COBL: variants seen among roughly 807,000 people sequenced by gnomAD.
COBL encodes protein cordon-bleu.
COBL carries 51 observed loss-of-function variants against 98.8 expected under a neutral mutation model. The observed-to-expected ratio is 0.52, with a 90% CI of 0.41 to 0.65. The LOEUF (loss-of-function observed/expected upper bound fraction) is 0.65, where lower values mean the gene tolerates loss of function less well. Ranked by LOEUF, COBL falls within the 30% of genes least tolerant of loss-of-function variation. The pLI is 0.00. For missense variants in COBL, 1,617 were observed against 1,617.5 expected (o/e 1.00, Z 0.01); for synonymous variants, 634 against 651.7 (o/e 0.97, Z 0.41).
At chr7:51,300,774 G>C (rs1198224431) in intron 1 of COBL, among the ~76,000 whole-genome samples, 1 of 152,152 alleles carries the variant, frequency 6.6e-6, no homozygotes. Context: ...TTCCTCTTGG[G>C]ATACTCACAC....
At chr7:51,172,501 G>A in intron 5 of COBL, 1 of 1,288,056 alleles carries the variant, frequency 7.8e-7, no homozygotes, top group Non-Finnish European at 1.0e-6. Context: ...CCTCATCGCT[G>A]TCTGCACCCG....
chr7:51,216,343 G>C (rs1309457327), intron 2 of COBL, among the ~76,000 whole-genome samples: 2 of 152,138 alleles, frequency 1.3e-5, no homozygotes, highest in East Asian at 3.9e-4. Context: ...ACCACACCCA[G>C]CTAATTTTCT....
At chr7:51,179,756 G>A (rs778947564) in intron 5 of COBL, among the ~76,000 whole-genome samples, 41 of 152,068 alleles carry the variant, frequency 2.7e-4, no homozygotes, top group Non-Finnish European at 2.9e-4. Flanking sequence ...AGATCATGCC[G>A]TTGAACAACG....
chr7:51,193,392 G>T lies in COBL; in HGVS notation c.443C>A (p.Pro148His). The change falls in exon 3 of 13, where the codon CCT becomes CAT. Residue 148 changes from proline (P) to histidine (H), a missense_variant. Around this residue, in one of 3 missense-constraint regions of COBL, gnomAD observed 238 missense variants for 215.0 expected, o/e 1.11. Coordinates refer to ENST00000265136, the MANE Select transcript of COBL (RefSeq NM_015198.5). ...VPEEKVKPGPPKVPEKSVRLV... is the reference protein window; with the variant it reads ...VPEEKVKPGPHKVPEKSVRLV... ...GTACCTACTAACCTCAGGCACCTTA[G>T]GGGGACCAGGCTTAACCTTCTCTTC... 6.2e-7 allele frequency: 1 copy of T among 1,614,120 alleles called. No individual in the cohort carries two copies. Among genetic ancestry groups the T allele is most frequent in the Admixed American group, 1.7e-5 (1 of 60,016 alleles).
chr7:51,044,288 G>C (rs978356591), intron 7 of COBL, among the ~76,000 whole-genome samples: 8 of 152,166 alleles, frequency 5.3e-5, no homozygotes, highest in Non-Finnish European at 1.2e-4. Context: ...GCAGGAGTTT[G>C]GTGAGATGCA....
intron 7 of COBL, among the ~76,000 whole-genome samples, chr7:51,077,017 A>G (rs1413260843): frequency 1.3e-5 from 2 of 152,220 alleles, no homozygotes; most frequent in African/African-American, 2.4e-5. Context: ...TTGTAAATAA[A>G]CAATTCAATG....
intron 6 of COBL, among the ~76,000 whole-genome samples, chr7:51,089,383 C>T (rs542649266): frequency 3.9e-5 from 6 of 152,056 alleles, no homozygotes; most frequent in Middle Eastern, 3.4e-3. Context: ...GGCGTGGTGG[C>T]GGGCACCTAT....
intron 7 of COBL, among the ~76,000 whole-genome samples, chr7:51,082,063 G>C (rs184578109): frequency 1.6e-4 from 25 of 152,262 alleles, no homozygotes; most frequent in Non-Finnish European, 1.5e-4. Context: ...TTTGCCTAGA[G>C]AAAGTCAATA....
At chr7:51,031,234 C>A (rs1228464599) in intron 8 of COBL, 24 of 257,464 alleles carry the variant, frequency 9.3e-5, no homozygotes, top group Non-Finnish European at 1.7e-4. Flanking sequence ...ACACAGCTTT[C>A]ATTCACTCTG....
chr7:51,124,567 T>A (rs1798026080), intron 6 of COBL, among the ~76,000 whole-genome samples: 1 of 152,152 alleles, frequency 6.6e-6, no homozygotes, highest in Admixed American at 6.5e-5. Context: ...AAACTAATGT[T>A]GCTAGTGGGA....
Position 51,184,192 on chromosome 7 carries a change from A to G in COBL, c.693T>C (p.Phe231=). The change falls in exon 5 of 13, where the codon TTT becomes TTC. Residue 231 remains phenylalanine (F), a synonymous_variant. Transcript: ENST00000265136. ...LYAWDNRRET[F]RKSSLGNDET... ...CATCATTGCCAAGTGATGATTTCCTAAAGGTTTCTGGAAAAAAAAAGCACT... is the reference window on the plus strand; with the variant it reads ...CATCATTGCCAAGTGATGATTTCCTGAAGGTTTCTGGAAAAAAAAAGCACT... The G allele has an allele frequency of 6.5e-7, 1 of 1,542,618 alleles. No individual in the cohort carries two copies. Among genetic ancestry groups the G allele is most frequent in the Non-Finnish European group, 8.7e-7 (1 of 1,144,678 alleles).
chr7:51,093,354 G>T (rs1794985544), intron 6 of COBL, among the ~76,000 whole-genome samples: 1 of 152,246 alleles, frequency 6.6e-6, no homozygotes, highest in African/African-American at 2.4e-5. Context: ...TTGTTAGAAT[G>T]GCTATGACAA....
At chr7:51,215,688 T>C (rs555474199) in intron 2 of COBL, among the ~76,000 whole-genome samples, 1 of 152,392 alleles carries the variant, frequency 6.6e-6, no homozygotes, top group South Asian at 2.1e-4. Flanking sequence ...GCAGCAAAGC[T>C]GTCCTCTCGA....
At chr7:51,161,761 A>AT (rs746462501) in intron 5 of COBL, among the ~76,000 whole-genome samples, 27 of 152,136 alleles carry the variant, frequency 1.8e-4, no homozygotes, top group Admixed American at 3.3e-4. Flanking sequence ...TAGAATTTGG[A>AT]TTTTTTAAAA....
At chr7:51,080,287 T>A (rs995279387) in intron 7 of COBL, among the ~76,000 whole-genome samples, 1 of 152,240 alleles carries the variant, frequency 6.6e-6, no homozygotes, top group African/African-American at 2.4e-5. Context: ...TTTTTGAATC[T>A]TTTAATCTTA....
Position 51,132,232 on chromosome 7 carries a change from T to A in COBL, c.957+3926A>T, listed in dbSNP as rs145329220. Among the ~76,000 whole-genome samples, 930 of 152,376 alleles carry A rather than the reference T, an allele frequency of 6.1e-3. 12 individuals are homozygous for A. The highest frequency in any genetic ancestry group is 0.021 in the African/African-American group (880 of 41,594). On this transcript the variant is annotated intron_variant, in intron 6 of 12. Coordinates refer to ENST00000265136, the MANE Select transcript of COBL (RefSeq NM_015198.5). ...CTGCTTTAGGCATGCTGGCTACTTC[T>A]GTCCCCCACTGCACTGTGGCCAGCT...
At chr7:51,228,987 A>G (rs1794467018) in intron 1 of COBL, among the ~76,000 whole-genome samples, 1 of 152,098 alleles carries the variant, frequency 6.6e-6, no homozygotes, top group African/African-American at 2.4e-5. Context: ...ATCAGAGAAA[A>G]CTTACTGATT....
At chr7:51,152,138 A>G (rs1785622690) in intron 5 of COBL, among the ~76,000 whole-genome samples, 1 of 152,068 alleles carries the variant, frequency 6.6e-6, no homozygotes, top group Admixed American at 6.6e-5. Context: ...ATAGACTAAT[A>G]CTCCAAGACC....
intron 5 of COBL, among the ~76,000 whole-genome samples, chr7:51,161,320 A>G (rs1340000155): frequency 6.6e-6 from 1 of 152,226 alleles, no homozygotes; most frequent in East Asian, 1.9e-4. Context: ...GCTCTCTGTA[A>G]GCATAGGACT....
Sources: gnomAD v4.1 joint callset for allele counts (sites outside exome capture counted in the v4.1 genomes callset) on GRCh38, gnomAD v4.1.1 for gene constraint, gnomAD v4.1.1 regional missense constraint, MANE v1.5 for transcripts, NCBI Gene and HGNC (gene_info 2026-07-23, HGNC 2026-07-21) for gene names.